ANK2: variants seen among roughly 807,000 people sequenced by gnomAD.
The protein encoded by ANK2 is ankyrin-2.
ANK2 carries 83 observed loss-of-function variants against 360.5 expected under a neutral mutation model. That is an observed-to-expected ratio of 0.23 (90% CI 0.19 to 0.28). The LOEUF is 0.28. Among genes scored for constraint, ANK2 ranks in the 10% least tolerant of loss-of-function variants. ANK2 has a pLI of 1.00. For synonymous variants in ANK2, 1,740 were observed against 1,759.5 expected, an observed-to-expected ratio of 0.99 and a Z score of 0.28; for missense variants, 4,201 against 4,795.7, an observed-to-expected ratio of 0.88 and a Z score of 3.66.
At chr4:112,956,937 T>A (rs185964761) in intron 2 of ANK2, among the ~76,000 whole-genome samples, 1 of 152,146 alleles carries the variant, frequency 6.6e-6, no homozygotes, top group East Asian at 1.9e-4. Flanking sequence ...TACTATGTAT[T>A]ATATGATTTT....
chr4:113,217,787 C>G (rs1232201033), intron 4 of ANK2, among the ~76,000 whole-genome samples: 1 of 152,186 alleles, frequency 6.6e-6, no homozygotes, highest in African/African-American at 2.4e-5. Context: ...GATGGGGACA[C>G]TAAGTCTCGG....
chr4:113,147,236 A>C (rs576647054), intron 1 of ANK2, among the ~76,000 whole-genome samples: 2 of 152,258 alleles, frequency 1.3e-5, no homozygotes, highest in East Asian at 3.9e-4. Context: ...TAACAACCGC[A>C]CAGGCGAGGT....
the ANK2 span, among the ~76,000 whole-genome samples, chr4:112,776,765 G>A: frequency 6.6e-6 from 1 of 152,144 alleles, no homozygotes; most frequent in Admixed American, 6.6e-5. Context: ...TATTAAGTAG[G>A]CATCTATCAG....
the ANK2 span, among the ~76,000 whole-genome samples, chr4:112,763,773 G>T: frequency 6.6e-6 from 1 of 151,982 alleles, no homozygotes; most frequent in South Asian, 2.1e-4. Context: ...GCCCGCCTCG[G>T]CCTCCCAAAG....
chr4:112,855,229 G>A (rs769293462), intron 1 of ANK2, among the ~76,000 whole-genome samples: 1 of 152,162 alleles, frequency 6.6e-6, no homozygotes, highest in Non-Finnish European at 1.5e-5. Context: ...GGATCACCTC[G>A]ACAGCAGCAC....
chr4:113,221,180 A>G (rs1468432317), intron 4 of ANK2, among the ~76,000 whole-genome samples: 1 of 152,232 alleles, frequency 6.6e-6, no homozygotes, highest in Non-Finnish European at 1.5e-5. Context: ...GACTTTGCAG[A>G]TGGGAAGATT....
At chr4:112,916,410 A>G (rs1449485895) in intron 2 of ANK2, among the ~76,000 whole-genome samples, 2 of 152,256 alleles carry the variant, frequency 1.3e-5, no homozygotes, top group Non-Finnish European at 2.9e-5. Context: ...ATCACCTTTA[A>G]TGTGCATCAT....
Position 113,124,853 on chromosome 4 carries a change from G to A in ANK2, c.85-49563G>A, listed in dbSNP as rs192299088. Among the ~76,000 whole-genome samples the A allele has an allele frequency of 1.3e-3, 194 of 152,172 alleles. 2 individuals are homozygous for A. The highest frequency in any genetic ancestry group is 0.01 in the Middle Eastern group (3 of 294). ...ATTAAGGAAGAGAATATGTGGGCTG[G>A]GTGTGGTGGCTCATGTCTGTAATCC... On this transcript the variant is annotated intron_variant, in intron 1 of 45. Coordinates refer to ENST00000357077, the MANE Select transcript of ANK2 (RefSeq NM_001148.6).
chr4:113,257,307 T>C (rs2050042110), intron 11 of ANK2, among the ~76,000 whole-genome samples: 1 of 152,230 alleles, frequency 6.6e-6, no homozygotes, highest in African/African-American at 2.4e-5. Flanking sequence ...GGCATTAGCC[T>C]AGTTCGCCAA....
the ANK2 span, among the ~76,000 whole-genome samples, chr4:112,796,463 T>TAC: frequency 6.6e-4 from 47 of 70,966 alleles, no homozygotes; most frequent in African/African-American, 2.7e-3. Context: ...TATCTATATA[T>TAC]ATACACACAC....
At chr4:113,061,804 C>T (rs950533071) in intron 1 of ANK2, among the ~76,000 whole-genome samples, 8 of 151,886 alleles carry the variant, frequency 5.3e-5, no homozygotes, top group African/African-American at 1.9e-4. Flanking sequence ...AACAGAATGA[C>T]TATAGTAAAA....
the ANK2 span, among the ~76,000 whole-genome samples, chr4:112,706,114 G>T: frequency 2.6e-5 from 4 of 151,450 alleles, 1 homozygote; most frequent in South Asian, 8.3e-4. Context: ...ACCCGGGCGT[G>T]ACAGGAGGAA....
intron 10 of ANK2, among the ~76,000 whole-genome samples, chr4:113,252,023 A>C (rs746960637): frequency 7.9e-5 from 12 of 152,124 alleles, no homozygotes; most frequent in Admixed American, 3.9e-4. Flanking sequence ...ACTTGAGATG[A>C]GACTGGGCAA....
At chr4:113,048,274 ATAT>A (rs1189058014), upstream of ANK2, among the ~76,000 whole-genome samples, 1 of 41,736 alleles carries the variant, frequency 2.4e-5, no homozygotes, top group Non-Finnish European at 3.9e-5. Flanking sequence ...ATATATATAT[ATAT>A]TTTTTTTTTT....
At chr4:113,372,209 C>CA (rs1215191854) in intron 43 of ANK2, among the ~76,000 whole-genome samples, 2 of 150,602 alleles carry the variant, frequency 1.3e-5, no homozygotes, top group Non-Finnish European at 3.0e-5. Flanking sequence ...TACAGTCAGG[C>CA]TTTTTTTTTA....
the ANK2 span, among the ~76,000 whole-genome samples, chr4:112,745,854 TTCTA>T: frequency 5.3e-5 from 8 of 152,264 alleles, no homozygotes; most frequent in East Asian, 1.2e-3. Flanking sequence ...ATCTTATTCA[TTCTA>T]TCTAAATATA....
At chr4:113,213,762 C>G (rs2099051481) in intron 4 of ANK2, among the ~76,000 whole-genome samples, 1 of 152,042 alleles carries the variant, frequency 6.6e-6, no homozygotes, top group African/African-American at 2.4e-5. Context: ...CTAGGAATAT[C>G]AGGTTCTTTG....
chr4:113,374,731 G>A, intron 45 of ANK2: 1 of 1,011,380 alleles, frequency 9.9e-7, no homozygotes, highest in Non-Finnish European at 1.2e-6. Context: ...TTGGCAATCA[G>A]ACATTGTCTA....
intron 5 of ANK2, 36 bp from the exon 6 acceptor site, chr4:113,236,951 A>T: frequency 6.2e-7 from 1 of 1,600,972 alleles, no homozygotes; most frequent in Non-Finnish European, 8.6e-7. Flanking sequence ...GCATCTGAAG[A>T]TGTTAACAGA....
Sources: gnomAD v4.1 joint callset for allele counts (sites outside exome capture counted in the v4.1 genomes callset) on GRCh38, gnomAD v4.1.1 for gene constraint, MANE v1.5 for transcripts, NCBI Gene and HGNC (gene_info 2026-07-23, HGNC 2026-07-21) for gene names.